The following LRRC8C variants were observed in gnomAD, a reference collection of about 807,000 sequenced individuals.
LRRC8C encodes the protein volume-regulated anion channel subunit LRRC8C.
Under a neutral mutation model 55.3 loss-of-function variants are expected in LRRC8C, and 20 were observed. The ratio of observed to expected loss-of-function variants is 0.36; its 90% CI spans 0.25 to 0.53. The LOEUF is 0.53. Among genes scored for constraint, LRRC8C ranks in the 20% least tolerant of loss-of-function variants. The probability of loss-of-function intolerance (pLI) is 0.92; values close to 1 mark genes in which losing one functional copy is unlikely to be tolerated. For synonymous variants in LRRC8C, 376 were observed against 360.7 expected (o/e 1.04, Z -0.48); for missense variants, 659 against 951.4 (o/e 0.69, Z 4.04).
In LRRC8C at chr1:89,718,168, CAAGT is replaced by C. The variant is rs1464940815; in HGVS notation, c.*3187_*3190del. ...CTTGATACAGTGAAATCTCTTATTT[CAAGT>C]GTAAGTTATTCTTCACCCACCCCTT... On this transcript the variant is annotated 3_prime_UTR_variant, in exon 3 of 3. Transcript: ENST00000370454. 1 of 152,144 alleles carries C rather than the reference CAAGT, an allele frequency of 6.6e-6. No homozygotes were observed. Among genetic ancestry groups the C allele is most frequent in the African/African-American group, 2.4e-5 (1 of 41,438 alleles). 9.4% of individuals were successfully genotyped at this position (152,144 alleles called of 1,614,324 possible). A position where few individuals can be genotyped will look rare whatever the true frequency, so the allele number is the denominator to read the frequency against.
intron 1 of LRRC8C, among the ~76,000 whole-genome samples, chr1:89,667,647 CATTTG>C (rs1029048959): frequency 5.3e-5 from 8 of 152,114 alleles, no homozygotes; most frequent in Non-Finnish European, 1.2e-4. Flanking sequence ...AAGCTGAAGG[CATTTG>C]AGCCTTGGAA....
chr1:89,652,158 G>A (rs548213666), intron 1 of LRRC8C, among the ~76,000 whole-genome samples: 1 of 152,256 alleles, frequency 6.6e-6, no homozygotes, highest in South Asian at 2.1e-4. Flanking sequence ...ATACCTTGTT[G>A]GAATTTAGAT....
chr1:89,656,933 C>T (rs903516861), intron 1 of LRRC8C, among the ~76,000 whole-genome samples: 5 of 152,058 alleles, frequency 3.3e-5, no homozygotes, highest in Admixed American at 1.3e-4. Flanking sequence ...CATTTACTGC[C>T]GGCTACTTAT....
At chr1:89,658,822 C>T (rs1319442849) in intron 1 of LRRC8C, among the ~76,000 whole-genome samples, 1 of 151,992 alleles carries the variant, frequency 6.6e-6, no homozygotes, top group Admixed American at 6.6e-5. Flanking sequence ...GTGTAGATTC[C>T]ACTGTTTAAA....
At chr1:89,687,030 T>C (rs1657904277) in intron 2 of LRRC8C, among the ~76,000 whole-genome samples, 1 of 152,224 alleles carries the variant, frequency 6.6e-6, no homozygotes, top group Non-Finnish European at 1.5e-5. Flanking sequence ...TGATGAGATA[T>C]CATTATTTTA....
At chr1:89,677,706 C>CT (rs1188718366) in intron 1 of LRRC8C, among the ~76,000 whole-genome samples, 1 of 152,144 alleles carries the variant, frequency 6.6e-6, no homozygotes, top group Non-Finnish European at 1.5e-5. Context: ...TCTCTTTGAC[C>CT]TTTTTCAGGT....
intron 1 of LRRC8C, among the ~76,000 whole-genome samples, chr1:89,650,168 C>G (rs1057174744): frequency 2.0e-5 from 3 of 152,144 alleles, no homozygotes; most frequent in African/African-American, 7.2e-5. Flanking sequence ...AATATATACA[C>G]AAACCCACTG....
chr1:89,622,911 A>G, the LRRC8C span, among the ~76,000 whole-genome samples: 1 of 152,360 alleles, frequency 6.6e-6, no homozygotes, highest in African/African-American at 2.4e-5. Flanking sequence ...AGCCAATAAA[A>G]TGAACAATTA....
intron 2 of LRRC8C, among the ~76,000 whole-genome samples, chr1:89,703,362 CA>C (rs1274041793): frequency 6.6e-6 from 1 of 151,934 alleles, no homozygotes; most frequent in African/African-American, 2.4e-5. Flanking sequence ...AGAATGAAAG[CA>C]ATATAGGAAT....
intron 2 of LRRC8C, among the ~76,000 whole-genome samples, chr1:89,696,686 G>A (rs147265337): frequency 1.3e-5 from 2 of 152,214 alleles, no homozygotes; most frequent in African/African-American, 2.4e-5. Flanking sequence ...CCCTTTAGAA[G>A]CTCTAAAGAG....
At chr1:89,701,697 TACAC>T (rs1658330908) in intron 2 of LRRC8C, among the ~76,000 whole-genome samples, 1 of 152,162 alleles carries the variant, frequency 6.6e-6, no homozygotes, top group Non-Finnish European at 1.5e-5. Flanking sequence ...TGTATTATGA[TACAC>T]ACATCTGCGA....
chr1:89,633,505 A>G (rs1264384006), intron 1 of LRRC8C, among the ~76,000 whole-genome samples, 183 bp downstream of exon 1: 2 of 152,290 alleles, frequency 1.3e-5, no homozygotes, highest in Admixed American at 1.3e-4. Context: ...ACCTTCCGCT[A>G]CTGCGGCTCA....
At chr1:89,660,597 C>T (rs1190315056) in intron 1 of LRRC8C, among the ~76,000 whole-genome samples, 1 of 152,128 alleles carries the variant, frequency 6.6e-6, no homozygotes, top group Admixed American at 6.5e-5. Flanking sequence ...ACAAGTTTTC[C>T]AATCAGAAGT....
At chr1:89,703,540 C>A in intron 2 of LRRC8C, among the ~76,000 whole-genome samples, 6 of 137,842 alleles carry the variant, frequency 4.4e-5, no homozygotes, top group African/African-American at 8.3e-5. Context: ...CAATCAAGTA[C>A]AGATTGTAAA....
upstream of LRRC8C, among the ~76,000 whole-genome samples, chr1:89,628,370 A>G (rs1326552381): frequency 1.3e-5 from 2 of 152,160 alleles, no homozygotes; most frequent in African/African-American, 2.4e-5. Flanking sequence ...ACCCCAAGAT[A>G]TAGGGGCAAC....
chr1:89,704,229 G>C (rs1042559672), intron 2 of LRRC8C, among the ~76,000 whole-genome samples: 5 of 152,102 alleles, frequency 3.3e-5, no homozygotes, highest in African/African-American at 1.2e-4. Context: ...TTTAACCTCT[G>C]ATCTGTTCTA....
chr1:89,651,875 G>A (rs755829567), intron 1 of LRRC8C, among the ~76,000 whole-genome samples: 14 of 151,996 alleles, frequency 9.2e-5, no homozygotes, highest in Non-Finnish European at 1.9e-4. Context: ...CTAAATTCTT[G>A]GTTGACAGCT....
At chr1:89,694,087 G>A (rs182911163) in intron 2 of LRRC8C, among the ~76,000 whole-genome samples, 14 of 151,998 alleles carry the variant, frequency 9.2e-5, no homozygotes, top group Admixed American at 3.9e-4. Flanking sequence ...CTGTGGGGAT[G>A]GTAGTGAATG....
intron 1 of LRRC8C, among the ~76,000 whole-genome samples, chr1:89,686,033 A>T (rs1265342099): frequency 6.6e-6 from 1 of 151,120 alleles, no homozygotes; most frequent in Non-Finnish European, 1.5e-5. Flanking sequence ...CTAAAATTAC[A>T]CTTAAAAATG....
Sources: gnomAD v4.1 joint callset for allele counts (sites outside exome capture counted in the v4.1 genomes callset) on GRCh38, gnomAD v4.1.1 for gene constraint, MANE v1.5 for transcripts, NCBI Gene and HGNC (gene_info 2026-07-23, HGNC 2026-07-21) for gene names.